The following SMYD3 variants were observed in gnomAD, a reference collection of about 807,000 sequenced individuals.
SMYD3 encodes histone-lysine N-methyltransferase SMYD3.
A neutral mutation model predicts 57.7 loss-of-function variants in SMYD3; 36 were observed. That is an observed-to-expected ratio of 0.62 (90% confidence interval 0.48 to 0.82). SMYD3 has a LOEUF of 0.82. Among genes scored for constraint, SMYD3 ranks in the 40% least tolerant of loss-of-function variants. The pLI is 0.00. For synonymous variants in SMYD3, 211 were observed against 195.0 expected (o/e 1.08, Z -0.68); for missense variants, 515 against 538.8 (o/e 0.96, Z 0.44).
At chr1:246,245,557 C>T (rs145973724) in intron 5 of SMYD3, among the ~76,000 whole-genome samples, 26 of 151,802 alleles carry the variant, frequency 1.7e-4, no homozygotes, top group African/African-American at 5.1e-4. Flanking sequence ...AATCTCAACC[C>T]TTAAAGAGAG....
At chr1:245,913,831 T>C (rs973791604) in intron 8 of SMYD3, among the ~76,000 whole-genome samples, 4 of 152,142 alleles carry the variant, frequency 2.6e-5, no homozygotes, top group African/African-American at 9.7e-5. Flanking sequence ...TAAATAGATA[T>C]TTATCTAACA....
intron 5 of SMYD3, among the ~76,000 whole-genome samples, chr1:246,142,382 C>T (rs1010158922): frequency 5.9e-5 from 9 of 151,746 alleles, no homozygotes; most frequent in African/African-American, 2.2e-4. Flanking sequence ...AAGTCGGGAA[C>T]TTTCACCTTT....
At chr1:245,754,069 T>C (rs1405153097) in intron 11 of SMYD3, among the ~76,000 whole-genome samples, 1 of 152,110 alleles carries the variant, frequency 6.6e-6, no homozygotes, top group East Asian at 1.9e-4. Flanking sequence ...AAATGTCACA[T>C]GAGAAAAGCA....
intron 10 of SMYD3, among the ~76,000 whole-genome samples, chr1:245,815,726 T>C (rs1037773164): frequency 6.6e-6 from 1 of 152,240 alleles, no homozygotes; most frequent in Admixed American, 6.5e-5. Flanking sequence ...CTTTACAGTC[T>C]ATAAAGTTTT....
At chr1:246,332,765 G>A (rs1483946158) in intron 3 of SMYD3, among the ~76,000 whole-genome samples, 3 of 152,168 alleles carry the variant, frequency 2.0e-5, no homozygotes, top group Admixed American at 6.5e-5. Context: ...CCAAGCTCAC[G>A]CCACTGCACC....
intron 5 of SMYD3, among the ~76,000 whole-genome samples, chr1:246,263,110 G>C (rs1176481117): frequency 6.6e-6 from 1 of 152,188 alleles, no homozygotes; most frequent in African/African-American, 2.4e-5. Context: ...ACAATGCATA[G>C]TGTTGACCAA....
rs865828443 is a variant in SMYD3, at chr1:245,797,838, A to C, written c.1077-33689T>G. On this transcript the variant is annotated intron_variant, in intron 10 of 11. Transcript: ENST00000490107. ...ATTGCTTCCGGGTTCCAAAAAAAAA[A>C]AAAAAAAAAAGGTGGATCAAGACAC... 5.3e-5 allele frequency among the ~76,000 whole-genome samples: 8 copies of C among 151,322 alleles called. No homozygotes were observed. The Middle Eastern group carries it at 0.01, about 193-fold the overall frequency.
At chr1:246,501,721 T>C (rs917493946) in intron 1 of SMYD3, among the ~76,000 whole-genome samples, 14 of 152,192 alleles carry the variant, frequency 9.2e-5, no homozygotes, top group African/African-American at 3.4e-4. Context: ...GTAAATCCAG[T>C]TCTCATAGCC....
chr1:246,155,987 CAA>C (rs1448076843), intron 5 of SMYD3, among the ~76,000 whole-genome samples: 6 of 136,400 alleles, frequency 4.4e-5, no homozygotes, highest in Admixed American at 1.5e-4. Context: ...ACTATGTCTT[CAA>C]AAAAAAAAAA....
chr1:246,028,531 A>G (rs928894342), intron 5 of SMYD3, among the ~76,000 whole-genome samples: 12 of 152,300 alleles, frequency 7.9e-5, no homozygotes, highest in African/African-American at 2.9e-4. Flanking sequence ...TTGAAGGAGG[A>G]GAGAGAACTC....
chr1:246,212,375 T>C (rs1485073975), intron 5 of SMYD3, among the ~76,000 whole-genome samples: 5 of 152,096 alleles, frequency 3.3e-5, no homozygotes. Flanking sequence ...ATGAGTACCA[T>C]TAGGGTATTC....
chr1:246,047,203 T>C (rs1487856147), intron 5 of SMYD3, among the ~76,000 whole-genome samples: 1 of 152,150 alleles, frequency 6.6e-6, no homozygotes, highest in Admixed American at 6.5e-5. Context: ...AAGAAAAGTG[T>C]GCAAAAGAAT....
intron 5 of SMYD3, among the ~76,000 whole-genome samples, chr1:245,935,885 G>A (rs2056960827): frequency 6.6e-6 from 1 of 152,166 alleles, no homozygotes; most frequent in Non-Finnish European, 1.5e-5. Flanking sequence ...ATGGGCTGGG[G>A]AGAGAAATGG....
chr1:246,004,996 C>G (rs532217009), intron 5 of SMYD3, among the ~76,000 whole-genome samples: 1 of 152,266 alleles, frequency 6.6e-6, no homozygotes, highest in East Asian at 1.9e-4. Flanking sequence ...CAGGCGTGCA[C>G]CACCATGCCT....
chr1:246,034,891 T>G (rs2059743403), intron 5 of SMYD3, among the ~76,000 whole-genome samples: 1 of 152,170 alleles, frequency 6.6e-6, no homozygotes, highest in African/African-American at 2.4e-5. Context: ...CAAATTCGCT[T>G]GTATGAAGCT....
intron 1 of SMYD3, among the ~76,000 whole-genome samples, chr1:246,381,159 T>C (rs1324907904): frequency 1.3e-5 from 2 of 152,188 alleles, no homozygotes; most frequent in East Asian, 1.9e-4. Context: ...TCTAGGCCTC[T>C]AGTCTTAAAG....
chr1:246,367,740 A>T (rs1012708017), intron 1 of SMYD3, among the ~76,000 whole-genome samples: 7 of 152,194 alleles, frequency 4.6e-5, no homozygotes, highest in Non-Finnish European at 8.8e-5. Flanking sequence ...CCAAAAAATA[A>T]TCTTAAAAAA....
chr1:246,192,917 A>G (rs1404813856), intron 5 of SMYD3, among the ~76,000 whole-genome samples: 1 of 152,106 alleles, frequency 6.6e-6, no homozygotes, highest in Non-Finnish European at 1.5e-5. Flanking sequence ...AAAAAAAAAA[A>G]GAAATGTAGT....
intron 1 of SMYD3, among the ~76,000 whole-genome samples, chr1:246,493,709 C>T (rs1436001984): frequency 2.0e-5 from 3 of 151,876 alleles, no homozygotes; most frequent in Non-Finnish European, 4.4e-5. Context: ...CAGAGCACTA[C>T]TGTCACCACT....
Sources: allele counts gnomAD v4.1 joint callset (sites outside exome capture counted in the v4.1 genomes callset), GRCh38; gene constraint gnomAD v4.1.1; transcripts MANE v1.5; gene names NCBI Gene and HGNC (gene_info 2026-07-23, HGNC 2026-07-21).